Variants in ROBO1 observed in about 807,000 individuals in gnomAD.
ROBO1 encodes roundabout guidance receptor 1, also known as roundabout homolog 1.
A neutral mutation model predicts 195.9 loss-of-function variants in ROBO1; 149 were observed. That is an observed-to-expected ratio of 0.76 (90% CI 0.67 to 0.87). ROBO1 has a LOEUF of 0.87. Ranked by LOEUF, ROBO1 falls within the 40% of genes least tolerant of loss-of-function variation. The probability of loss-of-function intolerance (pLI) is 0.00; values close to 1 mark genes in which losing one functional copy is unlikely to be tolerated. For missense variants in ROBO1, 1,933 were observed against 2,068.3 expected (o/e 0.93, Z 1.27); for synonymous variants, 816 against 733.2 (o/e 1.11, Z -1.82).
At chr3:79,143,079 A>C (rs917562087) in intron 2 of ROBO1, among the ~76,000 whole-genome samples, 1 of 152,128 alleles carries the variant, frequency 6.6e-6, no homozygotes, top group African/African-American at 2.4e-5. Flanking sequence ...GAATGGTCAG[A>C]GTTGCACTAG....
chr3:78,691,506 CT>C lies in ROBO1; in HGVS notation c.1046-2735del, dbSNP rs2081174242. Among the ~76,000 whole-genome samples, 7 of 152,084 alleles carry C rather than the reference CT, an allele frequency of 4.6e-5. No homozygotes were observed. In the South Asian group the frequency reaches 1.4e-3, roughly 31 times the overall value. On this transcript the variant is annotated intron_variant, in intron 8 of 30. Transcript: ENST00000464233. ...AATTACCTTTAATTACTGAACCAAT[CT>C]CAATTGTTTTAAATTTAGATTATTT...
At chr3:79,640,289 A>G (rs1233927645) in intron 1 of ROBO1, among the ~76,000 whole-genome samples, 1 of 152,164 alleles carries the variant, frequency 6.6e-6, no homozygotes, top group Non-Finnish European at 1.5e-5. Flanking sequence ...ATTAGCTTAA[A>G]ATATTAAATT....
chr3:79,673,201 T>C (rs1946680658), intron 1 of ROBO1, among the ~76,000 whole-genome samples: 1 of 152,050 alleles, frequency 6.6e-6, no homozygotes, highest in African/African-American at 2.4e-5. Flanking sequence ...GATTTCTTAA[T>C]ATTTCTGCTA....
At chr3:78,733,926 G>C (rs760674454) in intron 5 of ROBO1, among the ~76,000 whole-genome samples, 8 of 152,204 alleles carry the variant, frequency 5.3e-5, no homozygotes, top group Non-Finnish European at 1.0e-4. Context: ...CTATGCTGGG[G>C]TGGCAACCTA....
At chr3:78,738,556 G>C (rs11127632) in intron 5 of ROBO1, among the ~76,000 whole-genome samples, 26,935 of 151,892 alleles carry the variant, frequency 0.18, 2,940 homozygotes, top group East Asian at 0.47. Context: ...AATGTGATTT[G>C]TTATTCACTA....
chr3:79,229,920 G>A (rs574898974), intron 2 of ROBO1, among the ~76,000 whole-genome samples: 1 of 151,390 alleles, frequency 6.6e-6, no homozygotes, highest in African/African-American at 2.4e-5. Flanking sequence ...ATTTCAAAAA[G>A]TATACCTTTG....
chr3:78,945,173 G>C (rs1278220538), intron 3 of ROBO1, among the ~76,000 whole-genome samples: 1 of 152,254 alleles, frequency 6.6e-6, no homozygotes, highest in East Asian at 1.9e-4. Flanking sequence ...AGAGAGTAGT[G>C]GTTCTCCCAG....
intron 1 of ROBO1, among the ~76,000 whole-genome samples, chr3:79,703,017 A>G (rs6804625): frequency 0.31 from 47,448 of 151,738 alleles, 9,121 homozygotes; most frequent in African/African-American, 0.55. Flanking sequence ...ATATAAGTTA[A>G]GAAGCATGTG....
At chr3:79,135,176 G>T (rs1200074103) in intron 2 of ROBO1, among the ~76,000 whole-genome samples, 1 of 151,852 alleles carries the variant, frequency 6.6e-6, no homozygotes, top group African/African-American at 2.4e-5. Context: ...ATGTCCTTTG[G>T]CCAGCATCTC....
chr3:79,291,418 C>T (rs2032241416), intron 2 of ROBO1, among the ~76,000 whole-genome samples: 7 of 152,170 alleles, frequency 4.6e-5, no homozygotes, highest in Admixed American at 4.6e-4. Context: ...CCCTTCTTCA[C>T]CTGGTAATTT....
At chr3:79,329,366 T>C (rs1185648013) in intron 2 of ROBO1, among the ~76,000 whole-genome samples, 1 of 152,164 alleles carries the variant, frequency 6.6e-6, no homozygotes, top group Non-Finnish European at 1.5e-5. Flanking sequence ...TCAATATTCC[T>C]CTCATCGTGT....
chr3:79,555,897 T>C (rs192863622), intron 2 of ROBO1, among the ~76,000 whole-genome samples: 11 of 152,272 alleles, frequency 7.2e-5, no homozygotes, highest in East Asian at 5.8e-4. Context: ...TATCCTTCAA[T>C]TTATCTCATC....
chr3:79,653,845 T>C (rs757329294), intron 1 of ROBO1, among the ~76,000 whole-genome samples: 7 of 152,006 alleles, frequency 4.6e-5, no homozygotes, highest in African/African-American at 7.2e-5. Context: ...TCAAAAGGTA[T>C]AGCTGGTAGC....
At chr3:79,292,617 TTATC>T (rs1254835968) in intron 2 of ROBO1, among the ~76,000 whole-genome samples, 1 of 152,186 alleles carries the variant, frequency 6.6e-6, no homozygotes, top group African/African-American at 2.4e-5. Context: ...GGCCTTTTCT[TTATC>T]TATTGAGACA....
intron 1 of ROBO1, among the ~76,000 whole-genome samples, chr3:79,742,491 ACTCT>A (rs150871760): frequency 1.4e-5 from 2 of 145,514 alleles, no homozygotes; most frequent in East Asian, 2.0e-4. Flanking sequence ...AGACGGCAAG[ACTCT>A]CTCTCTCTCT....
At chr3:79,208,764 C>T (rs1384597483) in intron 2 of ROBO1, among the ~76,000 whole-genome samples, 3 of 148,894 alleles carry the variant, frequency 2.0e-5, no homozygotes, top group Non-Finnish European at 4.5e-5. Flanking sequence ...TTGGCGGGGG[C>T]ATGGTGTGGG....
intron 3 of ROBO1, among the ~76,000 whole-genome samples, chr3:79,106,555 T>G (rs1330892623): frequency 1.3e-5 from 2 of 151,712 alleles, no homozygotes; most frequent in Non-Finnish European, 3.0e-5. Flanking sequence ...CAATTGACTG[T>G]GCTTAGTGCA....
chr3:79,419,312 C>T (rs1179535842), intron 2 of ROBO1, among the ~76,000 whole-genome samples: 2 of 151,986 alleles, frequency 1.3e-5, no homozygotes, highest in Non-Finnish European at 2.9e-5. Flanking sequence ...TTAATTAGCC[C>T]CTCTTATACA....
chr3:79,047,737 G>C (rs2078621663), intron 3 of ROBO1, among the ~76,000 whole-genome samples: 1 of 152,016 alleles, frequency 6.6e-6, no homozygotes, highest in Admixed American at 6.6e-5. Flanking sequence ...TTTATATGTT[G>C]CATCACTTTC....
Sources: allele counts gnomAD v4.1 joint callset (sites outside exome capture counted in the v4.1 genomes callset), GRCh38; gene constraint gnomAD v4.1.1; transcripts MANE v1.5; gene names NCBI Gene and HGNC (gene_info 2026-07-23, HGNC 2026-07-21).